Variants in RBM45 observed in about 807,000 individuals in gnomAD.
RBM45 encodes RNA binding motif protein 45, also known as RNA-binding protein 45.
RBM45 carries 39 observed loss-of-function variants against 58.5 expected under a neutral mutation model. That is an observed-to-expected ratio of 0.67 (90% CI 0.52 to 0.87). The LOEUF is 0.87. Ranked by LOEUF, RBM45 falls within the 40% of genes least tolerant of loss-of-function variation. The probability of loss-of-function intolerance (pLI) is 0.00; values close to 1 mark genes in which losing one functional copy is unlikely to be tolerated. For missense variants in RBM45, 481 were observed against 581.6 expected (o/e 0.83, Z 1.78); for synonymous variants, 193 against 203.0 (o/e 0.95, Z 0.42).
At chr2:178,126,413 T>C (rs2087930021) in intron 9 of RBM45, among the ~76,000 whole-genome samples, 1 of 152,208 alleles carries the variant, frequency 6.6e-6, no homozygotes, top group Admixed American at 6.5e-5. Context: ...TTGTTTTTTG[T>C]TTGTGAAATC....
exon 4 of RBM45, chr2:178,137,757 C>T (rs2088056642): frequency 6.6e-6 from 1 of 152,068 alleles, no homozygotes; most frequent in African/African-American, 2.4e-5. Context: ...GAGCTGTACT[C>T]TATGGAGTAT....
At position 178,116,214 on chromosome 2, in the gene RBM45, G is replaced by A. The variant is rs765506193; in HGVS notation, c.301-48G>A. ...GCTTTTGAAAAAATTTAAGAAATGG[G>A]AAAATAGTTGACATTATTTTATTTT... On this transcript the variant is annotated intron_variant, in intron 1 of 9. Coordinates refer to ENST00000286070, the MANE Select transcript of RBM45 (RefSeq NM_152945.4). 8 of 1,518,998 alleles carry A rather than the reference G, an allele frequency of 5.3e-6. No homozygotes were observed. In the South Asian group the frequency reaches 1.0e-4, roughly 20 times the overall value. The allele number at this position is 1,518,998 out of a possible 1,614,324, so 94.1% of individuals were successfully genotyped here. A position where few individuals can be genotyped will look rare whatever the true frequency, so the allele number is the denominator to read the frequency against.
In RBM45 at chr2:178,124,119, G is replaced by A; in HGVS notation, c.1069-8G>A. ...TTTTTCTTTTTCTTGTTTTCTACCT[G>A]TTAACAGCAATTTGGAGGAAGCTCT... On this transcript the variant is annotated splice_polypyrimidine_tract_variant and splice_region_variant and intron_variant, in intron 7 of 9. Transcript: ENST00000286070. 2 of 1,580,944 alleles carry A rather than the reference G, an allele frequency of 1.3e-6. No homozygotes were observed. Among genetic ancestry groups the A allele is most frequent in the East Asian group, 2.2e-5 (1 of 44,634 alleles).
At chr2:178,126,780 A>G (rs912420233) in intron 9 of RBM45, among the ~76,000 whole-genome samples, 4 of 152,246 alleles carry the variant, frequency 2.6e-5, no homozygotes, top group South Asian at 2.1e-4. Context: ...AGAAAACCTG[A>G]CAATTTACCA....
chr2:178,132,118 A>C (rs2088010660), downstream of RBM45, among the ~76,000 whole-genome samples: 1 of 152,178 alleles, frequency 6.6e-6, no homozygotes, highest in Admixed American at 6.5e-5. Context: ...TATGTGGTTA[A>C]AATAAGAAAT....
chr2:178,132,510 CAT>C (rs890619406), downstream of RBM45, among the ~76,000 whole-genome samples: 13 of 152,334 alleles, frequency 8.5e-5, no homozygotes, highest in Admixed American at 5.9e-4. Flanking sequence ...TAAAGTGCAG[CAT>C]TCCAATCTTA....
rs531361851 is a variant in RBM45, at chr2:178,125,971, C to T, written c.1233-13C>T. ...ATCAATTTTGGTTGATTATTTTTTT[C>T]ACTTTGTTTCAGTCGTTTTGGTAAC... is the stretch of plus-strand genomic sequence containing the variant. On this transcript the variant is annotated splice_polypyrimidine_tract_variant and intron_variant, in intron 8 of 9. Transcript: ENST00000286070. The T allele has an allele frequency of 1.1e-5, 18 of 1,603,796 alleles. No individual in the cohort carries two copies. In the African/African-American group the frequency reaches 2.1e-4, roughly 19 times the overall value.
chr2:178,123,422 T>C lies in RBM45; in HGVS notation c.854-100T>C, dbSNP rs548062888. On this transcript the variant is annotated intron_variant, in intron 5 of 9. Transcript: ENST00000286070. ...TTCTGTATTTACTAGTTGTGTGATA[T>C]TAGAGTTCTACATGGTTTCATTTTT... 2.4e-6 allele frequency: 3 copies of C among 1,227,802 alleles called. No individual in the cohort carries two copies. In the African/African-American group the frequency reaches 4.5e-5, roughly 19 times the overall value. 76.1% of individuals were successfully genotyped at this position (1,227,802 alleles called of 1,614,324 possible).
At chr2:178,131,071 A>C (rs926863021), downstream of RBM45, among the ~76,000 whole-genome samples, 1 of 152,222 alleles carries the variant, frequency 6.6e-6, no homozygotes, top group East Asian at 1.9e-4. Flanking sequence ...TGTACCTGTG[A>C]ATAGCCACTG....
At chr2:178,116,426 C>A in intron 2 of RBM45, 42 bp downstream of exon 2, 2 of 1,556,768 alleles carry the variant, frequency 1.3e-6, no homozygotes, top group South Asian at 1.2e-5. Flanking sequence ...AACTCATAGT[C>A]CTGCATAGGT....
chr2:178,126,674 C>G (rs2087933732), intron 9 of RBM45, among the ~76,000 whole-genome samples: 1 of 152,076 alleles, frequency 6.6e-6, no homozygotes, highest in Non-Finnish European at 1.5e-5. Context: ...ACCTTTTGAA[C>G]CTAAATGTTG....
In RBM45 at chr2:178,118,080, G is replaced by A. The variant is rs1159358392; in HGVS notation, c.449G>A (p.Ser150Asn). The A allele has an allele frequency of 1.2e-6, 2 of 1,611,580 alleles. No individual in the cohort carries two copies. The highest frequency in any genetic ancestry group is 1.7e-6 in the Non-Finnish European group (2 of 1,178,446). Residue 150 changes from serine (S) to asparagine (N), a missense_variant, in exon 3 of 10, where the codon AGC (serine) becomes AAC (asparagine). By Grantham distance (46) the Ser-to-Asn change is conservative (BLOSUM62 1). Coordinates refer to ENST00000286070, the MANE Select transcript of RBM45 (RefSeq NM_152945.4). ...FKVYGDIEYC[S>N]IIKNKVTGES... ...GTGTATGGAGATATCGAGTATTGCA[G>A]CATTATTAAGAATAAAGTGACTGGA...
intron 9 of RBM45, among the ~76,000 whole-genome samples, chr2:178,126,751 T>C (rs2087934807): frequency 6.6e-6 from 1 of 152,232 alleles, no homozygotes; most frequent in African/African-American, 2.4e-5. Flanking sequence ...TATTCTCGTA[T>C]GCATATATGT....
chr2:178,135,557 A>G (rs1454169450), intron 3 of RBM45, among the ~76,000 whole-genome samples: 1 of 152,232 alleles, frequency 6.6e-6, no homozygotes, highest in Admixed American at 6.5e-5. Context: ...ACACACAAAA[A>G]GAAATCAGAA....
At position 178,120,312 on chromosome 2, in the gene RBM45, T is replaced by C. The variant is rs144901736; in HGVS notation, c.576T>C (p.Pro192=). ...DRSFRAILAE[P]KNKASESSEQ... ...GTTTTAGAGCAATCTTGGCTGAACC[T>C]AAAAATAAAGCATCTGAATCCTCTG... Residue 192 remains proline (P), a synonymous_variant, in exon 4 of 10, where the codon CCT becomes CCC. Transcript: ENST00000286070. 1.2e-5 allele frequency: 19 copies of C among 1,612,964 alleles called. No homozygotes were observed. Among genetic ancestry groups the C allele is most frequent in the Non-Finnish European group, 1.6e-5 (19 of 1,179,580 alleles).
At chr2:178,136,142 G>A (rs1574418100) in intron 3 of RBM45, among the ~76,000 whole-genome samples, 1 of 152,078 alleles carries the variant, frequency 6.6e-6, no homozygotes, top group South Asian at 2.1e-4. Context: ...AACCCCTTCT[G>A]TACTAAAAAT....
intron 3 of RBM45, among the ~76,000 whole-genome samples, chr2:178,119,544 G>T (rs890056195): frequency 6.6e-6 from 1 of 152,196 alleles, no homozygotes; most frequent in African/African-American, 2.4e-5. Context: ...TCCGCATTAG[G>T]ATTCCTTTGT....
intron 3 of RBM45, 118 bp from the exon 4 acceptor site, chr2:178,120,169 G>C (rs1002538432): frequency 7.7e-7 from 1 of 1,306,684 alleles, no homozygotes; most frequent in Non-Finnish European, 1.1e-6. Context: ...GATGGCCATT[G>C]TATAGATTTT....
chr2:178,121,344 C>A lies in RBM45; in HGVS notation c.838C>A (p.Pro280Thr). Residue 280 changes from proline (P) to threonine (T), a missense_variant, in exon 5 of 10, where the codon CCT becomes ACT. Coordinates refer to ENST00000286070, the MANE Select transcript of RBM45 (RefSeq NM_152945.4). ...GGAATATTGTGAAGTTCAACGAGATCCTTATTCAAATTATGGTAAAATAAT... is the reference window on the plus strand; with the variant it reads ...GGAATATTGTGAAGTTCAACGAGATACTTATTCAAATTATGGTAAAATAAT... The part of the protein sequence containing the change: ...GLEYCEVQRD[P>T]YSNYGHGVVQ... 6.5e-7 allele frequency: 1 copy of A among 1,543,086 alleles called. No individual in the cohort carries two copies. The highest frequency in any genetic ancestry group is 8.7e-7 in the Non-Finnish European group (1 of 1,149,440).
Sources: allele counts gnomAD v4.1 joint callset (sites outside exome capture counted in the v4.1 genomes callset), GRCh38; gene constraint gnomAD v4.1.1; transcripts MANE v1.5; gene names NCBI Gene and HGNC (gene_info 2026-07-23, HGNC 2026-07-21).